Variants in NHSL1 observed in about 807,000 individuals in gnomAD.
The protein encoded by NHSL1 is NHS like 1.
In NHSL1, 48 loss-of-function variants were observed where a neutral mutation model predicts 95.0. That is an observed-to-expected ratio of 0.51 (90% CI 0.40 to 0.64). The LOEUF is 0.64. Ranked by LOEUF, NHSL1 falls within the 30% of genes least tolerant of loss-of-function variation. NHSL1 has a pLI of 0.00. For missense variants in NHSL1, 1,971 were observed against 2,077.7 expected, an observed-to-expected ratio of 0.95 and a Z score of 1.00; for synonymous variants, 783 against 833.9, an observed-to-expected ratio of 0.94 and a Z score of 1.05.
chr6:138,429,207 C>CCGTA (rs775247830), intron 7 of NHSL1, among the ~76,000 whole-genome samples: 1 of 152,152 alleles, frequency 6.6e-6, no homozygotes, highest in East Asian at 1.9e-4. Flanking sequence ...GCTTAAAGGG[C>CCGTA]CGTACTCTTT....
At chr6:138,643,911 T>C (rs1055620966) in intron 1 of NHSL1, among the ~76,000 whole-genome samples, 4 of 151,788 alleles carry the variant, frequency 2.6e-5, no homozygotes, top group African/African-American at 9.7e-5. Context: ...GGTAGGAGAA[T>C]TGCTTGAACC....
intron 1 of NHSL1, among the ~76,000 whole-genome samples, chr6:138,615,807 GGAAAAT>G (rs560503848): frequency 7.5e-4 from 115 of 152,332 alleles, no homozygotes; most frequent in African/African-American, 2.5e-3. Context: ...AGGAAAAGGA[GGAAAAT>G]GCAAATCCAA....
At chr6:138,605,019 T>C (rs1188914657) in intron 1 of NHSL1, among the ~76,000 whole-genome samples, 1 of 152,204 alleles carries the variant, frequency 6.6e-6, no homozygotes, top group East Asian at 1.9e-4. Context: ...TTTTACCTTT[T>C]CTTCTGAAAT....
chr6:138,613,825 AGTC>A (rs1241085525), intron 1 of NHSL1, among the ~76,000 whole-genome samples: 2 of 152,224 alleles, frequency 1.3e-5, no homozygotes, highest in African/African-American at 2.4e-5. Context: ...AGAATGGGTC[AGTC>A]GTCGGCCCAC....
At position 138,499,471 on chromosome 6, in the gene NHSL1, AAACCATT is replaced by A; in HGVS notation, c.-188_-182del. 7.3e-7 allele frequency: 1 copy of A among 1,371,336 alleles called. No homozygotes were observed. The highest frequency in any genetic ancestry group is 9.5e-7 in the Non-Finnish European group (1 of 1,048,484). 84.9% of individuals were successfully genotyped at this position (1,371,336 alleles called of 1,614,324 possible). A position where few individuals can be genotyped will look rare whatever the true frequency, so the allele number is the denominator to read the frequency against. ...GTTGAGTTTATTGTCAGGCAGTTAC[AAACCATT>A]AACAGTCCTTGAACCTGAAAAACTC... On this transcript the variant is annotated 5_prime_UTR_variant, in exon 1 of 8. The change abolishes an upstream ATG in the 5' untranslated region. Coordinates refer to ENST00000343505, the MANE Select transcript of NHSL1 (RefSeq NM_001144060.2).
At chr6:138,514,409 A>C (rs1781373526) in intron 1 of NHSL1, among the ~76,000 whole-genome samples, 1 of 152,156 alleles carries the variant, frequency 6.6e-6, no homozygotes, top group Non-Finnish European at 1.5e-5. Flanking sequence ...CAAGGAATAC[A>C]CTCTAAGACT....
At chr6:138,532,436 C>T (rs112561160) in intron 1 of NHSL1, among the ~76,000 whole-genome samples, 9 of 152,130 alleles carry the variant, frequency 5.9e-5, no homozygotes, top group African/African-American at 2.2e-4. Flanking sequence ...GCCTAGGATC[C>T]GTGAGTCAGG....
At chr6:138,497,214 G>T (rs1780405203) in intron 1 of NHSL1, among the ~76,000 whole-genome samples, 1 of 152,172 alleles carries the variant, frequency 6.6e-6, no homozygotes, top group African/African-American at 2.4e-5. Context: ...CTAAGTTGGG[G>T]CATCAGTGGA....
In NHSL1 at chr6:138,432,885, G is replaced by A. The variant is rs1775803286; in HGVS notation, c.1460C>T (p.Ser487Phe). The A allele has an allele frequency of 6.4e-7, 1 of 1,551,650 alleles. No homozygotes were observed. Among genetic ancestry groups the A allele is most frequent in the Non-Finnish European group, 8.7e-7 (1 of 1,146,926 alleles). Residue 487 changes from serine (S) to phenylalanine (F), a missense_variant, in exon 6 of 8, where the codon TCC (serine) becomes TTC (phenylalanine). Around this residue, in one of 3 missense-constraint regions of NHSL1, gnomAD observed 1,602 missense variants for 1,654.5 expected, o/e 0.97. Transcript: ENST00000343505. This position sits in a 1 kb window ranked among gnomAD's most constrained non-coding sequence, Gnocchi z 4.4. ...TILSQDLDPH[S>F]PGEPALLSLC... is the part of the protein sequence containing the mutation. ...GGACAACAGTGCGGGTTCACCAGGG[G>A]AATGAGGGTCTAAGTCCTGTGAAAG...
intron 1 of NHSL1, among the ~76,000 whole-genome samples, chr6:138,668,617 T>C (rs1785324933): frequency 1.4e-5 from 2 of 148,066 alleles, no homozygotes; most frequent in African/African-American, 5.0e-5. Flanking sequence ...AAACAAGAAA[T>C]TTTTTTTTCT....
intron 2 of NHSL1, among the ~76,000 whole-genome samples, chr6:138,490,312 G>A (rs1035560007): frequency 1.3e-5 from 2 of 152,024 alleles, no homozygotes; most frequent in Non-Finnish European, 1.5e-5. Context: ...TCCTACAAAG[G>A]CACCTCCTAC....
intron 1 of NHSL1, among the ~76,000 whole-genome samples, chr6:138,580,510 C>T (rs146462663): frequency 2.6e-5 from 4 of 152,054 alleles, no homozygotes; most frequent in Non-Finnish European, 4.4e-5. Flanking sequence ...GGATGAGGGA[C>T]GTGGGAAGCC....
intron 3 of NHSL1, among the ~76,000 whole-genome samples, chr6:138,452,558 T>C (rs1201113674): frequency 6.6e-6 from 1 of 152,218 alleles, no homozygotes; most frequent in African/African-American, 2.4e-5. Flanking sequence ...TGAAACTATA[T>C]AGAACATATC....
At chr6:138,433,866 A>C (rs1775888881) in intron 5 of NHSL1, among the ~76,000 whole-genome samples, 186 bp from the exon 6 acceptor site, 1 of 152,200 alleles carries the variant, frequency 6.6e-6, no homozygotes, top group African/African-American at 2.4e-5. Context: ...TATTGTCATG[A>C]ATGTCAGGTA....
intron 1 of NHSL1, among the ~76,000 whole-genome samples, chr6:138,677,677 G>GGT (rs1398717201): frequency 1.3e-5 from 2 of 152,170 alleles, no homozygotes; most frequent in Non-Finnish European, 2.9e-5. Flanking sequence ...CACATGCTAA[G>GGT]GTGTCTACGC....
In NHSL1 at chr6:138,587,488, A is replaced by G. The variant is rs1209494407; in HGVS notation, c.97-91117T>C. ...ATCCCAGCTACTCGGGAGGGCATCA[A>G]GAGCAAAACTCTGTCAAAAAAAAAA... is the stretch of plus-strand genomic sequence containing the variant. On this transcript the variant is annotated intron_variant, in intron 1 of 3. Transcript: ENST00000491526. Among the ~76,000 whole-genome samples, 6 of 148,356 alleles carry G rather than the reference A, an allele frequency of 4.0e-5. 1 individual carries two copies. The highest frequency in any genetic ancestry group is 2.0e-4 in the Admixed American group (3 of 14,984).
At chr6:138,655,109 G>A (rs923436972) in intron 1 of NHSL1, among the ~76,000 whole-genome samples, 2 of 152,186 alleles carry the variant, frequency 1.3e-5, no homozygotes, top group Non-Finnish European at 1.5e-5. Context: ...CTAAAACAAG[G>A]AGGGAAAGAA....
chr6:138,568,805 A>G (rs895651172), intron 1 of NHSL1, among the ~76,000 whole-genome samples: 3 of 152,254 alleles, frequency 2.0e-5, no homozygotes, highest in Non-Finnish European at 2.9e-5. Flanking sequence ...AAAGAAAAAG[A>G]AAATCAAGCA....
At chr6:138,588,840 C>T (rs997059694) in intron 1 of NHSL1, among the ~76,000 whole-genome samples, 2 of 152,174 alleles carry the variant, frequency 1.3e-5, no homozygotes, top group Non-Finnish European at 2.9e-5. Flanking sequence ...TTAACGGCTT[C>T]TTGTTAGTAT....
Sources: allele counts gnomAD v4.1 joint callset (sites outside exome capture counted in the v4.1 genomes callset), GRCh38; gene constraint gnomAD v4.1.1; regional missense constraint gnomAD v4.1.1; non-coding constraint Gnocchi (gnomAD v3.1); transcripts MANE v1.5; gene names NCBI Gene and HGNC (gene_info 2026-07-23, HGNC 2026-07-21).